Variants in HIF1A observed in about 807,000 individuals in gnomAD.
HIF1A encodes hypoxia-inducible factor 1-alpha.
In HIF1A, 24 loss-of-function variants were observed where a neutral mutation model predicts 92.7. The ratio of observed to expected loss-of-function variants is 0.26; its 90% confidence interval spans 0.19 to 0.36. HIF1A has a LOEUF of 0.36. Among genes scored for constraint, HIF1A ranks in the 10% least tolerant of loss-of-function variants. The pLI, the probability that HIF1A is intolerant of heterozygous loss-of-function variation, is 1.00. For missense variants in HIF1A, 799 were observed against 998.5 expected (o/e 0.80, Z 2.69); for synonymous variants, 319 against 338.7 (o/e 0.94, Z 0.64).
intron 14 of HIF1A, 115 bp downstream of exon 14, chr14:61,745,932 G>A: frequency 1.0e-6 from 1 of 991,700 alleles, no homozygotes. Context: ...AGATTAAAAA[G>A]TAAAGTTGTG....
chr14:61,695,513 A>G lies in HIF1A; in HGVS notation c.-292A>G. The G allele has an allele frequency of 3.7e-6, 1 of 273,124 alleles. No homozygotes were observed. Among genetic ancestry groups the G allele is most frequent in the East Asian group, 6.5e-5 (1 of 15,346 alleles). The allele number at this position is 273,124 out of a possible 1,614,324, so 16.9% of individuals were successfully genotyped here. Reference sequence around the variant, plus strand: ...CCCCCTGACGCTGCCTCAGCTCCTCAGTGCACAGTGCTGCCTCGTCTGAGG... The same window carrying G: ...CCCCCTGACGCTGCCTCAGCTCCTCGGTGCACAGTGCTGCCTCGTCTGAGG... On this transcript the variant is annotated 5_prime_UTR_variant, in exon 1 of 15. Coordinates refer to ENST00000337138, the MANE Select transcript of HIF1A (RefSeq NM_001530.4).
In HIF1A at chr14:61,740,599, C is replaced by A. The variant is rs748009728; in HGVS notation, c.1631C>A (p.Thr544Lys). ...ELVEKLFAED[T>K]EAKNPFSTQD... Reference sequence around the variant, plus strand: ...GTAGAAAAACTTTTTGCTGAAGACACAGAAGCAAAGAACCCATTTTCTACT... The same window carrying A: ...GTAGAAAAACTTTTTGCTGAAGACAAAGAAGCAAAGAACCCATTTTCTACT... The change falls in exon 11 of 15, where the codon ACA becomes AAA. Residue 544 changes from threonine to lysine, a missense_variant. Physicochemically the swap from Thr to Lys is moderately conservative, Grantham distance 78. Transcript: ENST00000337138. The A allele has an allele frequency of 6.2e-7, 1 of 1,608,596 alleles. No individual in the cohort carries two copies. The highest frequency in any genetic ancestry group is 8.5e-7 in the Non-Finnish European group (1 of 1,177,616).
chr14:61,715,435 A>G (rs914255076), intron 1 of HIF1A: 1 of 152,208 alleles, frequency 6.6e-6, no homozygotes, highest in Admixed American at 6.5e-5. Flanking sequence ...CGAACTTTAT[A>G]ATAATAGCCT....
chr14:61,747,134 C>T lies in HIF1A; in HGVS notation c.*49C>T. ...TTTTTGGACACTGGTGGCTCATTAC[C>T]TAAAGCAGTCTATTTATATTTTCTA... On this transcript the variant is annotated 3_prime_UTR_variant, in exon 15 of 15. Coordinates refer to ENST00000337138, the MANE Select transcript of HIF1A (RefSeq NM_001530.4). 2.1e-6 allele frequency: 3 copies of T among 1,463,022 alleles called. No individual in the cohort carries two copies. Among genetic ancestry groups the T allele is most frequent in the Non-Finnish European group, 1.9e-6 (2 of 1,077,520 alleles). 90.6% of individuals were successfully genotyped at this position (1,463,022 alleles called of 1,614,324 possible).
At chr14:61,731,643 G>A (rs929951345) in intron 6 of HIF1A, among the ~76,000 whole-genome samples, 1 of 152,160 alleles carries the variant, frequency 6.6e-6, no homozygotes, top group African/African-American at 2.4e-5. Context: ...CTCAAAGTGA[G>A]GTGTTGCCTA....
At chr14:61,724,666 A>T (rs150179142) in intron 4 of HIF1A, among the ~76,000 whole-genome samples, 67 of 152,112 alleles carry the variant, frequency 4.4e-4, no homozygotes, top group Non-Finnish European at 8.8e-4. Flanking sequence ...TTTTCAATAT[A>T]CTAGCATTAC....
At chr14:61,738,030 T>TAA (rs372062450) in intron 9 of HIF1A, 57 bp from the exon 10 acceptor site, 285 of 1,231,278 alleles carry the variant, frequency 2.3e-4, no homozygotes, top group Middle Eastern at 4.5e-4. Flanking sequence ...CTGTCTTGGG[T>TAA]AAAAAAAAAA....
rs2044608242 is a variant in HIF1A at position 61,734,134 on chromosome 14, C to G, written c.881-4C>G. 3 of 1,545,266 alleles carry G rather than the reference C, an allele frequency of 1.9e-6. No homozygotes were observed. The highest frequency in any genetic ancestry group is 2.6e-6 in the Non-Finnish European group (3 of 1,148,440). ...TGCATGATTCTTTTTCTTTTCCCCC[C>G]TAGTGTTTACTAAAGGACAAGTCAC... On this transcript the variant is annotated splice_region_variant and splice_polypyrimidine_tract_variant and intron_variant, in intron 7 of 14. Transcript: ENST00000337138.
intron 1 of HIF1A, 68 bp downstream of exon 1, chr14:61,695,907 C>T: frequency 6.9e-7 from 1 of 1,444,314 alleles, no homozygotes; most frequent in Non-Finnish European, 9.5e-7. Context: ...GCCCTGGGCT[C>T]CTGGGCCGGC....
At position 61,742,907 on chromosome 14, in the gene HIF1A, A is replaced by AAAAAAAAAG. The variant is rs71117851; in HGVS notation, c.2093+1719_2093+1720insAAAAAAAAG. On this transcript the variant is annotated intron_variant, in intron 12 of 14. Transcript: ENST00000337138. ...TTTCAAAAAAAAAAAAAAAAAAAAA[A>AAAAAAAAAG]GTTGTTGGACTGACAGATGCATGAA... is the stretch of plus-strand genomic sequence containing the variant. Among the ~76,000 whole-genome samples, 45 of 105,940 alleles carry AAAAAAAAAG rather than the reference A, an allele frequency of 4.2e-4. 13 individuals carry two copies. Among genetic ancestry groups the AAAAAAAAAG allele is most frequent in the Admixed American group, 6.7e-4 (5 of 7,408 alleles). 69.5% of individuals were successfully genotyped at this position (105,940 alleles called of 152,430 possible).
At chr14:61,702,611 T>C (rs1433642806) in intron 1 of HIF1A, among the ~76,000 whole-genome samples, 1 of 152,170 alleles carries the variant, frequency 6.6e-6, no homozygotes, top group Non-Finnish European at 1.5e-5. Context: ...TGCTTTATAA[T>C]AGAAGAGCAT....
In HIF1A at chr14:61,743,759, C is replaced by A. The variant is rs901226230; in HGVS notation, c.2094-946C>A. Among the ~76,000 whole-genome samples the A allele has an allele frequency of 2.3e-4, 35 of 152,168 alleles. 3 individuals are homozygous for A. The highest frequency in any genetic ancestry group is 2.9e-5 in the Non-Finnish European group (2 of 68,028). On this transcript the variant is annotated intron_variant, in intron 12 of 14. Coordinates refer to ENST00000337138, the MANE Select transcript of HIF1A (RefSeq NM_001530.4). ...ATGTACTTTACTCATTAGAACAATT[C>A]TTCACAATTTAATATTAATTTTAGA...
intron 1 of HIF1A, among the ~76,000 whole-genome samples, chr14:61,711,491 C>T (rs957175264): frequency 5.9e-5 from 9 of 152,164 alleles, no homozygotes; most frequent in Admixed American, 5.9e-4. Context: ...TAATCTTAAA[C>T]ACTGAACCTC....
chr14:61,707,772 T>C (rs1481677280), intron 1 of HIF1A, among the ~76,000 whole-genome samples: 8 of 151,272 alleles, frequency 5.3e-5, no homozygotes, highest in African/African-American at 1.9e-4. Context: ...AACATACGTG[T>C]GCATGTGTCT....
In HIF1A at chr14:61,745,695, CATT is replaced by C; in HGVS notation, c.2212_2214del (p.Leu738del). 1 of 1,612,772 alleles carries C rather than the reference CATT, an allele frequency of 6.2e-7. No homozygotes were observed. The highest frequency in any genetic ancestry group is 8.5e-7 in the Non-Finnish European group (1 of 1,179,256). On this transcript the variant is annotated inframe_deletion, in exon 14 of 15. Coordinates refer to ENST00000337138, the MANE Select transcript of HIF1A (RefSeq NM_001530.4). ...AAATAACTTTACTGTTTATAGGGAA[CATT>C]ATTACAGCAGCCAGACGATCATGCA... is the stretch of plus-strand genomic sequence containing the variant.
intron 1 of HIF1A, among the ~76,000 whole-genome samples, chr14:61,718,079 G>A (rs1056187297): frequency 1.3e-5 from 2 of 151,544 alleles, no homozygotes; most frequent in African/African-American, 4.9e-5. Context: ...TTCACCAAGT[G>A]TTTCATTTGG....
intron 1 of HIF1A, among the ~76,000 whole-genome samples, chr14:61,703,022 C>A (rs1047304920): frequency 6.6e-6 from 1 of 152,134 alleles, no homozygotes; most frequent in Non-Finnish European, 1.5e-5. Flanking sequence ...ATATATGGCT[C>A]TTAATACTCT....
intron 1 of HIF1A, among the ~76,000 whole-genome samples, chr14:61,714,962 AG>A (rs2044346734): frequency 6.6e-6 from 1 of 152,048 alleles, no homozygotes; most frequent in Non-Finnish European, 1.5e-5. Flanking sequence ...TGAACCCAGG[AG>A]GCAGAGGTTG....
intron 1 of HIF1A, among the ~76,000 whole-genome samples, chr14:61,706,217 G>A (rs2044237949): frequency 6.6e-6 from 1 of 152,138 alleles, no homozygotes; most frequent in Non-Finnish European, 1.5e-5. Flanking sequence ...GAAAGTCAGT[G>A]ATACACAGCT....
Sources: gnomAD v4.1 joint callset for allele counts (sites outside exome capture counted in the v4.1 genomes callset) on GRCh38, gnomAD v4.1.1 for gene constraint, MANE v1.5 for transcripts, NCBI Gene and HGNC (gene_info 2026-07-23, HGNC 2026-07-21) for gene names.